The following AGBL1 variants were observed in gnomAD, a reference collection of about 807,000 sequenced individuals.
AGBL1 encodes cytosolic carboxypeptidase 4.
Under a neutral mutation model 118.9 loss-of-function variants are expected in AGBL1, and 130 were observed. The ratio of observed to expected loss-of-function variants is 1.09; its 90% CI spans 0.95 to 1.26. The LOEUF (loss-of-function observed/expected upper bound fraction) is 1.26. AGBL1 is among the 50% of genes most tolerant of loss of function. The pLI, the probability that AGBL1 is intolerant of heterozygous loss-of-function variation, is 0.00. For missense variants in AGBL1, 1,584 were observed against 1,298.1 expected (o/e 1.22, Z -3.38); for synonymous variants, 555 against 478.9 (o/e 1.16, Z -2.08).
At chr15:86,551,551 A>T (rs1454225387) in intron 20 of AGBL1, among the ~76,000 whole-genome samples, 1 of 152,200 alleles carries the variant, frequency 6.6e-6, no homozygotes, top group Non-Finnish European at 1.5e-5. Flanking sequence ...TGGAAAGAAG[A>T]ATTAGTAATT....
At chr15:86,383,363 G>T (rs538494384) in intron 17 of AGBL1, among the ~76,000 whole-genome samples, 23 of 151,826 alleles carry the variant, frequency 1.5e-4, no homozygotes, top group Non-Finnish European at 2.6e-4. Context: ...TGAGACAGGT[G>T]GGTTACTGAA....
chr15:86,473,571 G>T (rs566818812), intron 18 of AGBL1, among the ~76,000 whole-genome samples: 1 of 152,020 alleles, frequency 6.6e-6, no homozygotes, highest in East Asian at 1.9e-4. Flanking sequence ...TTTAAAAAAG[G>T]TCATGTGTAC....
At chr15:87,003,783 C>T (rs998461513) in intron 24 of AGBL1, among the ~76,000 whole-genome samples, 3 of 152,286 alleles carry the variant, frequency 2.0e-5, no homozygotes, top group East Asian at 3.9e-4. Flanking sequence ...TTATAGTATT[C>T]TCTGATGGTA....
intron 17 of AGBL1, among the ~76,000 whole-genome samples, chr15:86,387,963 C>T (rs186108363): frequency 1.5e-3 from 221 of 152,274 alleles, no homozygotes; most frequent in African/African-American, 5.0e-3. Context: ...CTGGGAGGGA[C>T]AGGGTCTGGG....
At chr15:86,760,821 C>G (rs28558808) in intron 22 of AGBL1, among the ~76,000 whole-genome samples, 2 of 151,946 alleles carry the variant, frequency 1.3e-5, no homozygotes, top group Non-Finnish European at 2.9e-5. Context: ...TTGTGTCTTC[C>G]TAAACTGCCC....
chr15:86,549,669 T>G (rs2083637339), intron 20 of AGBL1, among the ~76,000 whole-genome samples: 1 of 151,516 alleles, frequency 6.6e-6, no homozygotes, highest in South Asian at 2.1e-4. Flanking sequence ...GAAACAAGAG[T>G]GGGCCAACAT....
chr15:86,368,054 T>G (rs1379801715), intron 17 of AGBL1, among the ~76,000 whole-genome samples: 1 of 152,080 alleles, frequency 6.6e-6, no homozygotes, highest in Non-Finnish European at 1.5e-5. Context: ...AAAAGTACAC[T>G]GAAAAAAATA....
chr15:86,329,190 T>TG (rs1423118628), intron 17 of AGBL1, among the ~76,000 whole-genome samples: 2 of 152,062 alleles, frequency 1.3e-5, no homozygotes, highest in African/African-American at 4.8e-5. Context: ...CCTGTTCCCC[T>TG]GAGTTCGTGG....
chr15:86,706,803 C>T (rs1239165461), intron 22 of AGBL1, among the ~76,000 whole-genome samples: 1 of 152,004 alleles, frequency 6.6e-6, no homozygotes, highest in Non-Finnish European at 1.5e-5. Flanking sequence ...TAACTAGCCC[C>T]AAATTTAAAT....
intron 1 of AGBL1, among the ~76,000 whole-genome samples, chr15:86,084,108 T>C (rs1052347337): frequency 3.9e-5 from 6 of 152,156 alleles, no homozygotes; most frequent in Non-Finnish European, 2.9e-5. Context: ...GAGGAAACCC[T>C]ATAAGGATGA....
At chr15:86,485,706 A>G (rs1198317857) in intron 18 of AGBL1, among the ~76,000 whole-genome samples, 1 of 152,180 alleles carries the variant, frequency 6.6e-6, no homozygotes, top group Admixed American at 6.6e-5. Context: ...ATGATGGGTC[A>G]GATGTGGCCT....
At chr15:86,223,454 T>C (rs1459778696) in intron 5 of AGBL1, among the ~76,000 whole-genome samples, 1 of 152,178 alleles carries the variant, frequency 6.6e-6, no homozygotes, top group Non-Finnish European at 1.5e-5. Context: ...CCATATACTA[T>C]GGCACCTGGA....
At position 86,130,666 on chromosome 15, in the gene AGBL1, C is replaced by G. The variant is rs1486130739; in HGVS notation, c.52-11338C>G. On this transcript the variant is annotated intron_variant, in intron 1 of 22. Coordinates refer to ENST00000614907, the MANE Select transcript of AGBL1 (RefSeq NM_001386094.1). ...TTAAATGCTTGGTATAGATTTTTTT[C>G]TTTTTCACTGTCATGCATTCCAAAT... is the stretch of plus-strand genomic sequence containing the variant. Among the ~76,000 whole-genome samples, 3 of 152,012 alleles carry G rather than the reference C, an allele frequency of 2.0e-5. No individual in the cohort carries two copies. The East Asian group carries it at 5.8e-4, about 29-fold the overall frequency.
intron 17 of AGBL1, among the ~76,000 whole-genome samples, chr15:86,304,627 G>T (rs2079809311): frequency 6.6e-6 from 1 of 152,100 alleles, no homozygotes. Flanking sequence ...CTTGCTCCTA[G>T]CCACCATGTA....
chr15:86,586,965 G>T (rs903858228), intron 21 of AGBL1, among the ~76,000 whole-genome samples: 7 of 152,132 alleles, frequency 4.6e-5, no homozygotes, highest in Non-Finnish European at 1.0e-4. Context: ...TTAAGGGTTT[G>T]TGAGGCATGA....
chr15:86,311,613 CT>C (rs1051594864), intron 17 of AGBL1, among the ~76,000 whole-genome samples: 1 of 151,310 alleles, frequency 6.6e-6, no homozygotes, highest in Non-Finnish European at 1.5e-5. Context: ...TATTTTTTTT[CT>C]TTTTTTTGAC....
intron 22 of AGBL1, among the ~76,000 whole-genome samples, chr15:86,675,392 A>G (rs1204748070): frequency 1.3e-5 from 2 of 152,154 alleles, no homozygotes; most frequent in African/African-American, 4.8e-5. Flanking sequence ...AAACCTAGAA[A>G]GATCTAGCAG....
At chr15:86,262,623 G>T (rs1050291176) in intron 9 of AGBL1, 155 bp from the exon 10 acceptor site, 1 of 693,894 alleles carries the variant, frequency 1.4e-6, no homozygotes, top group Non-Finnish European at 2.6e-6. Flanking sequence ...ATACAATCCA[G>T]CATAACAAAT....
intron 22 of AGBL1, among the ~76,000 whole-genome samples, chr15:86,818,397 A>T (rs1439705968): frequency 6.6e-6 from 1 of 152,152 alleles, no homozygotes; most frequent in Non-Finnish European, 1.5e-5. Flanking sequence ...TGCAAACCCT[A>T]TTGTGAACTG....
Sources: allele counts gnomAD v4.1 joint callset (sites outside exome capture counted in the v4.1 genomes callset), GRCh38; gene constraint gnomAD v4.1.1; transcripts MANE v1.5; gene names NCBI Gene and HGNC (gene_info 2026-07-23, HGNC 2026-07-21).